Variants in CBLN2 observed in about 807,000 individuals in gnomAD.
The protein encoded by CBLN2 is cerebellin 2 precursor.
CBLN2 carries 7 observed loss-of-function variants against 15.0 expected under a neutral mutation model. That is an observed-to-expected ratio of 0.47 (90% confidence interval 0.27 to 0.88). The LOEUF is 0.88. CBLN2 is among the 40% of genes least tolerant of loss of function. The probability of loss-of-function intolerance (pLI) is 0.14; values close to 1 mark genes in which losing one functional copy is unlikely to be tolerated. For synonymous variants in CBLN2, 149 were observed against 135.2 expected (o/e 1.10, Z -0.71); for missense variants, 242 against 304.5 (o/e 0.79, Z 1.53).
chr18:72,574,307 AT>A (rs2069350888), intron 1 of CBLN2, among the ~76,000 whole-genome samples: 2 of 152,064 alleles, frequency 1.3e-5, no homozygotes, highest in South Asian at 4.2e-4. Context: ...CGGATTGTGC[AT>A]TTGGTGTCGT....
intron 1 of CBLN2, among the ~76,000 whole-genome samples, chr18:72,581,446 G>A (rs1240247061): frequency 1.3e-5 from 2 of 152,170 alleles, no homozygotes; most frequent in East Asian, 3.9e-4. Context: ...TTTTATTACT[G>A]TTTAATTTGT....
chr18:72,627,511 C>T (rs1048120742), intron 1 of CBLN2, among the ~76,000 whole-genome samples: 3 of 152,172 alleles, frequency 2.0e-5, no homozygotes, highest in Non-Finnish European at 4.4e-5. Flanking sequence ...GCTTTGAATA[C>T]TGTTTATTGC....
intron 1 of CBLN2, among the ~76,000 whole-genome samples, chr18:72,622,117 CTGAAA>C (rs548306809): frequency 1.3e-4 from 20 of 152,222 alleles, no homozygotes; most frequent in Admixed American, 1.2e-3. Context: ...CTTTTGTAAA[CTGAAA>C]TGAAACATTT....
intron 1 of CBLN2, among the ~76,000 whole-genome samples, chr18:72,638,123 T>C (rs1458262576): frequency 1.3e-5 from 2 of 152,234 alleles, no homozygotes; most frequent in Non-Finnish European, 2.9e-5. Flanking sequence ...CTGAAATAAT[T>C]GGTTTGCAAA....
intron 1 of CBLN2, among the ~76,000 whole-genome samples, chr18:72,594,059 C>T (rs2069497688): frequency 6.6e-6 from 1 of 152,142 alleles, no homozygotes; most frequent in African/African-American, 2.4e-5. Flanking sequence ...CACATGTTCT[C>T]ACTATAAGTG....
At position 72,596,313 on chromosome 18, in the gene CBLN2, TA is replaced by T. The variant is rs1396889328; in HGVS notation, c.15+42011del. On this transcript the variant is annotated intron_variant, in intron 1 of 2. Transcript: ENST00000581073. ...ACTCTGTTTTTTATTAATAAAAAATTAATAAAAACATCATCCTCCTGCTTCT... is the reference window on the plus strand; with the variant it reads ...ACTCTGTTTTTTATTAATAAAAAATTATAAAAACATCATCCTCCTGCTTCT... Among the ~76,000 whole-genome samples the T allele has an allele frequency of 4.6e-5, 7 of 152,250 alleles. No homozygotes were observed. In the East Asian group the frequency reaches 1.3e-3, roughly 29 times the overall value.
chr18:72,580,387 A>G (rs1037079712), intron 1 of CBLN2, among the ~76,000 whole-genome samples: 3 of 152,184 alleles, frequency 2.0e-5, no homozygotes, highest in Admixed American at 1.3e-4. Context: ...TACCCAGAGC[A>G]AGGACTAGAA....
intron 1 of CBLN2, among the ~76,000 whole-genome samples, chr18:72,558,037 G>A (rs905921241): frequency 9.2e-5 from 14 of 152,170 alleles, no homozygotes; most frequent in South Asian, 4.2e-4. Flanking sequence ...AATATGTCAC[G>A]GAAGGTTTCC....
chr18:72,586,689 G>A (rs1261128749), intron 1 of CBLN2, among the ~76,000 whole-genome samples: 2 of 152,120 alleles, frequency 1.3e-5, no homozygotes, highest in Admixed American at 6.5e-5. Flanking sequence ...GTTAGTGACT[G>A]GTGTTATTAG....
intron 1 of CBLN2, among the ~76,000 whole-genome samples, chr18:72,577,242 G>A (rs2069374311): frequency 6.6e-6 from 1 of 151,198 alleles, no homozygotes; most frequent in Non-Finnish European, 1.5e-5. Context: ...TATCTGTAGG[G>A]CATTTTTATT....
intron 1 of CBLN2, among the ~76,000 whole-genome samples, chr18:72,562,486 T>C (rs2069268167): frequency 6.6e-6 from 1 of 152,230 alleles, no homozygotes; most frequent in Non-Finnish European, 1.5e-5. Context: ...CATTTAAGTA[T>C]GATTTCTCAG....
chr18:72,540,682 A>G (rs2069102430), intron 3 of CBLN2, among the ~76,000 whole-genome samples: 4 of 148,538 alleles, frequency 2.7e-5, no homozygotes, highest in Non-Finnish European at 1.5e-5. Context: ...CCCTGCCAAG[A>G]AAAAAAAACC....
chr18:72,551,464 TC>T (rs1194764521), intron 1 of CBLN2, among the ~76,000 whole-genome samples: 2 of 152,306 alleles, frequency 1.3e-5, no homozygotes, highest in East Asian at 3.9e-4. Context: ...GAGATCTAAA[TC>T]TTGCTTGAAA....
intron 1 of CBLN2, among the ~76,000 whole-genome samples, chr18:72,625,405 T>C (rs2069729602): frequency 6.6e-6 from 1 of 152,048 alleles, no homozygotes; most frequent in Non-Finnish European, 1.5e-5. Flanking sequence ...TGTTCCTTCT[T>C]AATGTTTACC....
At chr18:72,556,945 C>A (rs1026306552) in intron 1 of CBLN2, among the ~76,000 whole-genome samples, 4 of 152,016 alleles carry the variant, frequency 2.6e-5, no homozygotes, top group Admixed American at 1.3e-4. Context: ...GCTTTTAAAC[C>A]ACCTCATAAA....
At chr18:72,612,882 C>T (rs930961260) in intron 1 of CBLN2, among the ~76,000 whole-genome samples, 3 of 152,200 alleles carry the variant, frequency 2.0e-5, no homozygotes, top group African/African-American at 7.2e-5. Context: ...GCCCAAAAAA[C>T]AGAAGTTTAT....
At chr18:72,576,029 T>C (rs2069364502) in intron 1 of CBLN2, among the ~76,000 whole-genome samples, 1 of 152,200 alleles carries the variant, frequency 6.6e-6, no homozygotes, top group Non-Finnish European at 1.5e-5. Flanking sequence ...TCAATAATAT[T>C]TACTGAGAAT....
chr18:72,603,226 C>T (rs1036468493), intron 1 of CBLN2, among the ~76,000 whole-genome samples: 22 of 152,212 alleles, frequency 1.4e-4, no homozygotes, highest in Non-Finnish European at 3.2e-4. Flanking sequence ...TTTATAAAAA[C>T]CTTTCTCATT....
intron 3 of CBLN2, chr18:72,540,400 A>C (rs1242471241): frequency 1.3e-5 from 2 of 152,204 alleles, no homozygotes; most frequent in Non-Finnish European, 2.9e-5. Context: ...CTCATGTATA[A>C]AATTAGAATC....
Sources: allele counts gnomAD v4.1 joint callset (sites outside exome capture counted in the v4.1 genomes callset), GRCh38; gene constraint gnomAD v4.1.1; transcripts MANE v1.5; gene names NCBI Gene and HGNC (gene_info 2026-07-23, HGNC 2026-07-21).